A2M: variants seen among roughly 807,000 people sequenced by gnomAD.
A2M encodes alpha-2-macroglobulin, also known as C3 and PZP-like alpha-2-macroglobulin domain-containing protein 5.
A neutral mutation model predicts 183.9 loss-of-function variants in A2M; 128 were observed. That is an observed-to-expected ratio of 0.70 (90% CI 0.60 to 0.81). The LOEUF is 0.81. Among genes scored for constraint, A2M ranks in the 30% least tolerant of loss-of-function variants. The pLI, the probability that A2M is intolerant of heterozygous loss-of-function variation, is 0.00. For missense variants in A2M, 1,495 were observed against 1,787.6 expected, an observed-to-expected ratio of 0.84 and a Z score of 2.95; for synonymous variants, 592 against 670.8, an observed-to-expected ratio of 0.88 and a Z score of 1.81.
chr12:9,103,874 G>A (rs1260426445), intron 11 of A2M, among the ~76,000 whole-genome samples: 3 of 152,146 alleles, frequency 2.0e-5, no homozygotes, highest in Non-Finnish European at 4.4e-5. Context: ...CTATGAACAC[G>A]GGTGTGCAAA....
chr12:9,091,354 C>T lies in A2M; in HGVS notation c.2316G>A (p.Leu772=). Residue 772 remains leucine (L), a synonymous_variant, in exon 19 of 36, where the codon CTG becomes CTA. Coordinates refer to ENST00000318602, the MANE Select transcript of A2M (RefSeq NM_000014.6). ...ITEWKAGAFC[L]SEDAGLGISS... is the part of the protein sequence containing the mutation. ...AGATACCAAGTCCAGCATCTTCAGA[C>T]AGGCAGAAGGCCCCTGCCTTCCACT... is the stretch of plus-strand genomic sequence containing the variant. 6.2e-7 allele frequency: 1 copy of T among 1,614,210 alleles called. No individual in the cohort carries two copies. Among genetic ancestry groups the T allele is most frequent in the Non-Finnish European group, 8.5e-7 (1 of 1,180,040 alleles).
intron 25 of A2M, 82 bp from the exon 26 acceptor site, chr12:9,077,939 T>G: frequency 6.5e-7 from 1 of 1,549,640 alleles, no homozygotes; most frequent in South Asian, 1.1e-5. Flanking sequence ...CTTCATATGA[T>G]GTGAGTTAGC....
In A2M at chr12:9,077,430, C is replaced by CGA. The variant is rs1171332762; in HGVS notation, c.3277-12_3277-11dup. On this transcript the variant is annotated splice_polypyrimidine_tract_variant and intron_variant, in intron 26 of 35. Transcript: ENST00000318602. ...CATCTTCTACTCCTCCCTGTGAATA[C>CGA]GAGAGAGAGATCTGAATAATTCAAC... is the stretch of plus-strand genomic sequence containing the variant. 46 of 1,608,276 alleles carry CGA rather than the reference C, an allele frequency of 2.9e-5. No homozygotes were observed. The highest frequency in any genetic ancestry group is 3.7e-5 in the Non-Finnish European group (44 of 1,175,954).
intron 5 of A2M, 47 bp downstream of exon 5, chr12:9,110,267 T>G (rs1172236927): frequency 7.2e-7 from 1 of 1,382,922 alleles, no homozygotes; most frequent in African/African-American, 1.5e-5. Flanking sequence ...ACATTTTCCC[T>G]ATATGTATTG....
In A2M at chr12:9,107,635, A is replaced by G. The variant is rs1056024961; in HGVS notation, c.768T>C (p.Tyr256=). The change falls in exon 8 of 36, where the codon TAT becomes TAC. Residue 256 remains tyrosine (Y), a synonymous_variant. Coordinates refer to ENST00000318602, the MANE Select transcript of A2M (RefSeq NM_000014.6). ...TCACATGTCCAGGGACAGGCTTCCC[A>G]TATGTGTATCTGTCATGAGAACATT... ...MNVSVCGLYT[Y]GKPVPGHVTV... 7 of 1,613,810 alleles carry G rather than the reference A, an allele frequency of 4.3e-6. No homozygotes were observed. The African/African-American group carries it at 9.3e-5, about 22-fold the overall frequency.
At chr12:9,086,949 C>G (rs1949069171) in intron 22 of A2M, among the ~76,000 whole-genome samples, 1 of 152,036 alleles carries the variant, frequency 6.6e-6, no homozygotes, top group Non-Finnish European at 1.5e-5. Flanking sequence ...TTGCAAGATA[C>G]AAAATTAACA....
intron 9 of A2M, 24 bp from the exon 10 acceptor site, chr12:9,106,369 T>C: frequency 1.3e-6 from 2 of 1,544,890 alleles, no homozygotes. Context: ...AAAAAATCTG[T>C]TATTTTTGGG....
In A2M at chr12:9,074,801, G is replaced by T. The variant is rs1299927753; in HGVS notation, c.3533-18C>A. On this transcript the variant is annotated intron_variant, in intron 28 of 35. Transcript: ENST00000318602. ...AGAGTTGTCTTAAAGATGAGAAAAAGATATTTATAAGTGCCTACATATTTA... is the reference window on the plus strand; with the variant it reads ...AGAGTTGTCTTAAAGATGAGAAAAATATATTTATAAGTGCCTACATATTTA... 1.9e-6 allele frequency: 3 copies of T among 1,586,808 alleles called. No homozygotes were observed. Among genetic ancestry groups the T allele is most frequent in the South Asian group, 2.3e-5 (2 of 87,418 alleles).
At chr12:9,088,889 GA>G (rs1020253042) in intron 22 of A2M, among the ~76,000 whole-genome samples, 1 of 152,084 alleles carries the variant, frequency 6.6e-6, no homozygotes, top group African/African-American at 2.4e-5. Flanking sequence ...ATTATTTAAG[GA>G]AACATCCCTT....
intron 19 of A2M, 76 bp downstream of exon 19, chr12:9,091,125 T>A: frequency 6.7e-7 from 1 of 1,497,908 alleles, no homozygotes; most frequent in Non-Finnish European, 9.2e-7. Context: ...TACAAGAGTT[T>A]GCAGTATTCC....
intron 1 of A2M, chr12:9,115,271 G>A (rs1939035172): frequency 6.5e-6 from 1 of 154,070 alleles, no homozygotes; most frequent in African/African-American, 2.4e-5. Context: ...ATCTGCAAAA[G>A]GATTTCTCTT....
chr12:9,089,412 G>A lies in A2M; in HGVS notation c.2719-161C>T, dbSNP rs972652708. On this transcript the variant is annotated intron_variant, in intron 21 of 35. Coordinates refer to ENST00000318602, the MANE Select transcript of A2M (RefSeq NM_000014.6). ...AAGCAATATACGTAGGAGGTAGTTC[G>A]ATGCATGAACAAATGAAGGAAAAAT... Among the ~76,000 whole-genome samples, 5 of 152,168 alleles carry A rather than the reference G, an allele frequency of 3.3e-5. 1 individual carries two copies. Among genetic ancestry groups the A allele is most frequent in the Admixed American group, 2.6e-4 (4 of 15,264 alleles).
At position 9,072,347 on chromosome 12, in the gene A2M, A is replaced by G; in HGVS notation, c.4103+12T>C. The G allele has an allele frequency of 1.2e-6, 2 of 1,613,402 alleles. No individual in the cohort carries two copies. Among genetic ancestry groups the G allele is most frequent in the Non-Finnish European group, 1.7e-6 (2 of 1,179,726 alleles). On this transcript the variant is annotated intron_variant, in intron 31 of 35. Coordinates refer to ENST00000318602, the MANE Select transcript of A2M (RefSeq NM_000014.6). Reference sequence around the variant, plus strand: ...ATTCTTAGGATTAGGTGATAGAGTCAGAAGGTCTTACCTGACACTTAGGGA... The same window carrying G: ...ATTCTTAGGATTAGGTGATAGAGTCGGAAGGTCTTACCTGACACTTAGGGA...
At chr12:9,076,390 T>C (rs1948748793) in intron 28 of A2M, among the ~76,000 whole-genome samples, 1 of 152,208 alleles carries the variant, frequency 6.6e-6, no homozygotes, top group African/African-American at 2.4e-5. Flanking sequence ...TTAATGACTT[T>C]CCCAAGCTCA....
intron 31 of A2M, 101 bp from the exon 32 acceptor site, chr12:9,070,679 G>C (rs114769867): frequency 1.3e-6 from 1 of 759,168 alleles, no homozygotes; most frequent in East Asian, 2.7e-5. Context: ...AAAGGTACAC[G>C]TAAGTCTTCC....
chr12:9,067,725 G>T lies in A2M; in HGVS notation c.*98C>A. 9.7e-7 allele frequency: 1 copy of T among 1,030,404 alleles called. No homozygotes were observed. The highest frequency in any genetic ancestry group is 1.5e-6 in the Non-Finnish European group (1 of 665,250). 63.8% of individuals were successfully genotyped at this position (1,030,404 alleles called of 1,614,324 possible). On this transcript the variant is annotated 3_prime_UTR_variant, in exon 36 of 36. Coordinates refer to ENST00000318602, the MANE Select transcript of A2M (RefSeq NM_000014.6). Reference sequence around the variant, plus strand: ...CAGGGAAAGACATTGACCAGAAAAAGTGTTTATTCATCAAGTCTTTAAAGA... The same window carrying T: ...CAGGGAAAGACATTGACCAGAAAAATTGTTTATTCATCAAGTCTTTAAAGA...
At chr12:9,090,662 A>T in intron 19 of A2M, 180 bp from the exon 20 acceptor site, 8 of 616,330 alleles carry the variant, frequency 1.3e-5, no homozygotes, top group Non-Finnish European at 2.2e-5. Flanking sequence ...AGATTTACAC[A>T]GGTAAATCTG....
At chr12:9,083,389 A>C (rs1465029606) in intron 22 of A2M, among the ~76,000 whole-genome samples, 1 of 152,074 alleles carries the variant, frequency 6.6e-6, no homozygotes, top group African/African-American at 2.4e-5. Context: ...TAAAGTATAA[A>C]AAAAAAAGAA....
At chr12:9,068,155 G>T in intron 35 of A2M, 28 bp downstream of exon 35, 1 of 1,611,948 alleles carries the variant, frequency 6.2e-7, no homozygotes, top group Non-Finnish European at 8.5e-7. Context: ...AGCTCTGACT[G>T]CCTTTTGGAG....
Sources: allele counts gnomAD v4.1 joint callset (sites outside exome capture counted in the v4.1 genomes callset), GRCh38; gene constraint gnomAD v4.1.1; transcripts MANE v1.5; gene names NCBI Gene and HGNC (gene_info 2026-07-23, HGNC 2026-07-21).